Variants in RANBP17 observed in about 807,000 individuals in gnomAD.
RANBP17 encodes the protein ran-binding protein 17.
Under a neutral mutation model 141.2 loss-of-function variants are expected in RANBP17, and 158 were observed. That is an observed-to-expected ratio of 1.12 (90% CI 0.98 to 1.28). The LOEUF (loss-of-function observed/expected upper bound fraction) is 1.28. Ranked by LOEUF, RANBP17 falls within the 50% of genes most tolerant of loss-of-function variation. RANBP17 has a pLI of 0.00. For missense variants in RANBP17, 1,438 were observed against 1,290.7 expected, an observed-to-expected ratio of 1.11 and a Z score of -1.75; for synonymous variants, 430 against 450.0, an observed-to-expected ratio of 0.96 and a Z score of 0.56.
At chr5:171,073,660 G>A (rs1784751893) in intron 14 of RANBP17, among the ~76,000 whole-genome samples, 5 of 152,132 alleles carry the variant, frequency 3.3e-5, no homozygotes, top group Admixed American at 2.6e-4. Context: ...CCTAGAAGCA[G>A]TGTCACCCCG....
intron 14 of RANBP17, among the ~76,000 whole-genome samples, chr5:171,092,723 A>T (rs987511315): frequency 6.6e-5 from 10 of 152,230 alleles, no homozygotes; most frequent in African/African-American, 2.2e-4. Context: ...GATCATTCTG[A>T]TGAAGTCCTT....
intron 26 of RANBP17, 49 bp from the exon 27 acceptor site, chr5:171,295,838 C>A: frequency 6.3e-7 from 1 of 1,597,260 alleles, no homozygotes; most frequent in Middle Eastern, 1.7e-4. Context: ...CAGCTGTCTT[C>A]AGGCGGGACT....
At chr5:171,116,335 G>C (rs1755628092) in intron 14 of RANBP17, among the ~76,000 whole-genome samples, 1 of 151,998 alleles carries the variant, frequency 6.6e-6, no homozygotes, top group South Asian at 2.1e-4. Flanking sequence ...TCTACAAAGA[G>C]GGACTCAGAA....
intron 12 of RANBP17, among the ~76,000 whole-genome samples, chr5:170,951,247 A>G (rs953791943): frequency 2.6e-5 from 4 of 152,126 alleles, no homozygotes; most frequent in Admixed American, 6.5e-5. Flanking sequence ...CAACACAGAA[A>G]TGGTGAATAC....
intron 14 of RANBP17, among the ~76,000 whole-genome samples, chr5:170,998,044 AT>A (rs1413901456): frequency 1.3e-5 from 2 of 151,158 alleles, no homozygotes; most frequent in Non-Finnish European, 2.9e-5. Context: ...GAGGCCAGGG[AT>A]TTGAGACCAG....
chr5:171,016,328 T>C (rs1397890934), intron 14 of RANBP17, among the ~76,000 whole-genome samples: 2 of 152,052 alleles, frequency 1.3e-5, no homozygotes, highest in Admixed American at 1.3e-4. Context: ...TTTGGAAAAT[T>C]TTTCAAAATT....
chr5:171,155,814 G>T (rs1758857247), intron 14 of RANBP17, among the ~76,000 whole-genome samples: 1 of 152,100 alleles, frequency 6.6e-6, no homozygotes, highest in South Asian at 2.1e-4. Flanking sequence ...TTGAAATTTT[G>T]TAAGTATGAA....
intron 6 of RANBP17, chr5:170,910,676 G>A (rs1204872314): frequency 7.0e-6 from 2 of 286,084 alleles, no homozygotes; most frequent in African/African-American, 2.2e-5. Flanking sequence ...TTTTTGGTTT[G>A]TGTGAGAATG....
chr5:171,002,964 G>C (rs1779324559), intron 14 of RANBP17, among the ~76,000 whole-genome samples: 1 of 152,152 alleles, frequency 6.6e-6, no homozygotes, highest in African/African-American at 2.4e-5. Flanking sequence ...AACTGAAGGA[G>C]CCAGGGAGCA....
intron 22 of RANBP17, among the ~76,000 whole-genome samples, chr5:171,223,299 C>A (rs560938051): frequency 6.6e-6 from 1 of 152,270 alleles, no homozygotes; most frequent in East Asian, 1.9e-4. Flanking sequence ...AACTACATTG[C>A]CACAACTTTT....
chr5:171,143,257 A>G (rs1438874935), intron 14 of RANBP17: 2 of 152,234 alleles, frequency 1.3e-5, no homozygotes, highest in South Asian at 2.1e-4. Context: ...ATGTGTTGCT[A>G]TGAAACACTA....
chr5:171,276,314 G>C (rs1431150575), intron 25 of RANBP17, among the ~76,000 whole-genome samples: 1 of 152,044 alleles, frequency 6.6e-6, no homozygotes, highest in Non-Finnish European at 1.5e-5. Flanking sequence ...AGCATTTCAG[G>C]GGTAATTAAA....
rs763171943 is a variant in RANBP17 at position 170,916,559 on chromosome 5, TA to T, written c.934del (p.Arg312GlyfsTer25). 67 of 1,567,958 alleles carry T rather than the reference TA, an allele frequency of 4.3e-5. No homozygotes were observed. Among genetic ancestry groups the T allele is most frequent in the Non-Finnish European group, 5.7e-5 (66 of 1,152,472 alleles). ...TACCTTGGTAATTTAATTAAGGGAG[TA>T]AAAAGGATACTTGAAAACCCTCAGG... ...AKYLGNLIKG[V>X]KRILENPQGL... On this transcript the variant is annotated frameshift_variant, in exon 9 of 28. Coordinates refer to ENST00000523189, the MANE Select transcript of RANBP17 (RefSeq NM_022897.5). LOFTEE classifies it high-confidence loss of function.
At chr5:171,020,574 A>G (rs1581417097) in intron 14 of RANBP17, among the ~76,000 whole-genome samples, 1 of 149,008 alleles carries the variant, frequency 6.7e-6, no homozygotes, top group South Asian at 2.1e-4. Context: ...GTTTTGTCTG[A>G]GACTAGGATT....
intron 14 of RANBP17, among the ~76,000 whole-genome samples, chr5:171,103,823 T>C (rs541758308): frequency 2.6e-5 from 4 of 152,210 alleles, no homozygotes; most frequent in South Asian, 2.1e-4. Flanking sequence ...CAAGGCACAG[T>C]TCCTCAGGGC....
intron 14 of RANBP17, among the ~76,000 whole-genome samples, chr5:171,061,898 CT>C (rs1432827944): frequency 1.3e-5 from 2 of 152,118 alleles, no homozygotes; most frequent in African/African-American, 2.4e-5. Flanking sequence ...GAATTGATCC[CT>C]TTACCATTAT....
chr5:171,088,351 T>C (rs2127722058), intron 14 of RANBP17, among the ~76,000 whole-genome samples: 1 of 152,294 alleles, frequency 6.6e-6, no homozygotes, highest in South Asian at 2.1e-4. Context: ...TTGGTGGGCT[T>C]CCCTTTGTAA....
intron 14 of RANBP17, among the ~76,000 whole-genome samples, chr5:171,091,352 T>C (rs1053920930): frequency 8.3e-6 from 1 of 120,130 alleles, no homozygotes; most frequent in African/African-American, 2.6e-5. Flanking sequence ...TTCCCCCATT[T>C]GGAACGGCTG....
chr5:171,195,538 TTTA>T (rs1291195909), intron 18 of RANBP17, among the ~76,000 whole-genome samples: 1 of 152,210 alleles, frequency 6.6e-6, no homozygotes, highest in African/African-American at 2.4e-5. Flanking sequence ...ATTTGCCTAC[TTTA>T]AACCCAAGTG....
Sources: allele counts gnomAD v4.1 joint callset (sites outside exome capture counted in the v4.1 genomes callset), GRCh38; gene constraint gnomAD v4.1.1; transcripts MANE v1.5; gene names NCBI Gene and HGNC (gene_info 2026-07-23, HGNC 2026-07-21).